The following SNRNP200 variants were observed in gnomAD, a reference collection of about 807,000 sequenced individuals.
SNRNP200 encodes small nuclear ribonucleoprotein U5 subunit 200.
A neutral mutation model predicts 255.2 loss-of-function variants in SNRNP200; 66 were observed. The observed-to-expected ratio is 0.26, with a 90% CI of 0.21 to 0.32. The LOEUF is 0.32. Among genes scored for constraint, SNRNP200 ranks in the 10% least tolerant of loss-of-function variants. The pLI, the probability that SNRNP200 is intolerant of heterozygous loss-of-function variation, is 1.00. For missense variants in SNRNP200, 1,585 were observed against 2,749.8 expected (o/e 0.58, Z 9.47); for synonymous variants, 939 against 1,027.8 (o/e 0.91, Z 1.65).
rs1368647053 is a variant in SNRNP200, at chr2:96,298,312, T to C, written c.1091A>G (p.His364Arg). The C allele has an allele frequency of 6.2e-7, 1 of 1,614,140 alleles. No homozygotes were observed. Among genetic ancestry groups the C allele is most frequent in the Non-Finnish European group, 8.5e-7 (1 of 1,180,052 alleles). ...PELSKFLYQL[H>R]ETEKEDLIRE... ...GATCAGATCCTCCTTCTCGGTTTCA[T>C]GAAGCTGGTAGAGGAACTTGGATAG... The change falls in exon 9 of 45, where the codon CAT becomes CGT. Residue 364 changes from histidine to arginine, a missense_variant. Physicochemically the swap from His to Arg is conservative, Grantham distance 29. Transcript: ENST00000323853.
chr2:96,301,434 A>C, intron 4 of SNRNP200, 90 bp downstream of exon 4: 2 of 1,332,992 alleles, frequency 1.5e-6, no homozygotes, highest in Non-Finnish European at 2.2e-6. Flanking sequence ...CACTGACATT[A>C]AGGTTTTTAA....
intron 15 of SNRNP200, 88 bp from the exon 16 acceptor site, chr2:96,293,183 T>A: frequency 6.3e-7 from 1 of 1,586,688 alleles, no homozygotes; most frequent in Middle Eastern, 1.7e-4. Flanking sequence ...AGAGCAATAT[T>A]CCTCCTTTAT....
intron 3 of SNRNP200, 120 bp from the exon 4 acceptor site, chr2:96,301,836 G>C (rs2063954441): frequency 1.0e-6 from 1 of 972,196 alleles, no homozygotes. Context: ...CCACATACTA[G>C]GCTCTGACCT....
In SNRNP200 at chr2:96,289,731, T is replaced by C. The variant is rs1024685689; in HGVS notation, c.2940+68A>G. 8 of 1,452,250 alleles carry C rather than the reference T, an allele frequency of 5.5e-6. No individual in the cohort carries two copies. The African/African-American group carries it at 1.1e-4, about 20-fold the overall frequency. 90.0% of individuals were successfully genotyped at this position (1,452,250 alleles called of 1,614,324 possible). On this transcript the variant is annotated intron_variant, in intron 21 of 44. Coordinates refer to ENST00000323853, the MANE Select transcript of SNRNP200 (RefSeq NM_014014.5). ...CAGTACTCACATCAAGAGAGCAATC[T>C]GAAAAATTTTTTCCTGGGCCAACAA...
intron 35 of SNRNP200, 50 bp from the exon 36 acceptor site, chr2:96,279,609 C>G (rs114889868): frequency 7.9e-7 from 1 of 1,259,892 alleles, no homozygotes; most frequent in South Asian, 1.2e-5. Context: ...ACACGGAGAC[C>G]ATGCTCAGGA....
rs544354362 is a variant in SNRNP200 at position 96,290,255 on chromosome 2, G to A, written c.2742+71C>T. 1.6e-4 allele frequency: 253 copies of A among 1,542,948 alleles called. No homozygotes were observed. The highest frequency in any genetic ancestry group is 2.2e-4 in the Non-Finnish European group (242 of 1,117,356). The stretch of plus-strand genomic sequence containing the variant: ...ACGCTGCTGGCCCGCAGCACAATAG[G>A]GACCGACCCACTCCTGGTGCCTTGG... On this transcript the variant is annotated intron_variant, in intron 20 of 44. Coordinates refer to ENST00000323853, the MANE Select transcript of SNRNP200 (RefSeq NM_014014.5). This position sits in a 1 kb window ranked among gnomAD's most constrained non-coding sequence, Gnocchi z 4.5.
chr2:96,303,070 TAGCACTTC>T lies in SNRNP200; in HGVS notation c.381+81_381+88del, dbSNP rs1574002473. On this transcript the variant is annotated intron_variant, in intron 3 of 44. Coordinates refer to ENST00000323853, the MANE Select transcript of SNRNP200 (RefSeq NM_014014.5). ...ACTCATCAGCATACAAAAAGATACT[TAGCACTTC>T]GAAGATTCCAAGGATCTTAGAAGCT... 10 of 1,407,436 alleles carry T rather than the reference TAGCACTTC, an allele frequency of 7.1e-6. No homozygotes were observed. In the East Asian group the frequency reaches 2.3e-4, roughly 32 times the overall value. 87.2% of individuals were successfully genotyped at this position (1,407,436 alleles called of 1,614,324 possible).
chr2:96,292,875 C>T (rs2063892281), intron 16 of SNRNP200, 97 bp downstream of exon 16: 1 of 1,426,962 alleles, frequency 7.0e-7, no homozygotes, highest in Non-Finnish European at 9.8e-7. Context: ...TATGTTGTGT[C>T]TTCTCTCTTT....
At chr2:96,285,056 G>T in intron 30 of SNRNP200, 124 bp downstream of exon 30, 2 of 1,216,224 alleles carry the variant, frequency 1.6e-6, no homozygotes, top group African/African-American at 1.5e-5. Flanking sequence ...GGCTGGGGCA[G>T]CTTTTCTTTA....
Position 96,283,320 on chromosome 2 carries a change from G to A in SNRNP200, c.4796C>T (p.Pro1599Leu), listed in dbSNP as rs762545526. 4.3e-5 allele frequency: 69 copies of A among 1,613,998 alleles called. No individual in the cohort carries two copies. The highest frequency in any genetic ancestry group is 5.1e-5 in the Non-Finnish European group (60 of 1,180,036). Residue 1599 changes from proline (P) to leucine (L), a missense_variant, in exon 34 of 45, where the codon CCG (proline) becomes CTG (leucine). Transcript: ENST00000323853. This position sits in a 1 kb window ranked among gnomAD's most constrained non-coding sequence, Gnocchi z 4.7. ...FLHCTEKDLI[P>L]YLEKLSDSTL... ...GCTGTCACTTAGCTTCTCCAGGTAC[G>A]GAATCAGATCCTTCTCGGTGCAGTG...
At chr2:96,300,921 T>C (rs945697838) in intron 5 of SNRNP200, 77 bp downstream of exon 5, 36 of 1,199,110 alleles carry the variant, frequency 3.0e-5, no homozygotes, top group Non-Finnish European at 4.1e-5. Flanking sequence ...ACTAGAGAGC[T>C]TGTTTACACT....
chr2:96,286,971 C>T lies in SNRNP200; in HGVS notation c.3639+35G>A, dbSNP rs1558766658. On this transcript the variant is annotated intron_variant, in intron 27 of 44. Coordinates refer to ENST00000323853, the MANE Select transcript of SNRNP200 (RefSeq NM_014014.5). The surrounding 1 kb of genome is among the most constrained non-coding windows in gnomAD (Gnocchi z 4.8). ...CGGCCCAGCAACGTAGACTGAGCAC[C>T]TCCAATCCAGCACCTCTGCCCAGCA... 1.2e-6 allele frequency: 2 copies of T among 1,614,120 alleles called. No individual in the cohort carries two copies. Among genetic ancestry groups the T allele is most frequent in the Non-Finnish European group, 1.7e-6 (2 of 1,179,960 alleles).
intron 36 of SNRNP200, 78 bp from the exon 37 acceptor site, chr2:96,279,076 G>C: frequency 8.4e-7 from 1 of 1,189,072 alleles, no homozygotes; most frequent in Non-Finnish European, 1.3e-6. Context: ...CAAATCAACA[G>C]GGCATGGTCC....
In SNRNP200 at chr2:96,291,558, A is replaced by G; in HGVS notation, c.2311-56T>C. ...GCCTTCCTGTAGGACTCATCCAAGG[A>G]CTAAGGAAATCTCCTCCCATGAGAC... On this transcript the variant is annotated intron_variant, in intron 17 of 44. Transcript: ENST00000323853. This position sits in a 1 kb window ranked among gnomAD's most constrained non-coding sequence, Gnocchi z 4.2. 7.6e-7 allele frequency: 1 copy of G among 1,313,412 alleles called. No homozygotes were observed. Among genetic ancestry groups the G allele is most frequent in the Non-Finnish European group, 1.1e-6 (1 of 906,938 alleles). 81.4% of individuals were successfully genotyped at this position (1,313,412 alleles called of 1,614,324 possible).
intron 14 of SNRNP200, 85 bp downstream of exon 14, chr2:96,295,403 C>G (rs761599464): frequency 1.3e-6 from 2 of 1,550,700 alleles, no homozygotes; most frequent in Non-Finnish European, 1.8e-6. Context: ...ACAGAAAAGG[C>G]AGCAAAGAAA....
At chr2:96,302,668 A>C (rs929353488) in intron 3 of SNRNP200, among the ~76,000 whole-genome samples, 2 of 152,238 alleles carry the variant, frequency 1.3e-5, no homozygotes, top group African/African-American at 4.8e-5. Flanking sequence ...GCCAGTCACA[A>C]GCACAGGTTG....
Position 96,277,724 on chromosome 2 carries a change from G to A in SNRNP200, c.5755-9C>T. On this transcript the variant is annotated splice_polypyrimidine_tract_variant and intron_variant, in intron 40 of 44. Transcript: ENST00000323853. The surrounding 1 kb of genome is among the most constrained non-coding windows in gnomAD (Gnocchi z 4.4). ...TGGATGAGCCGGATTGCCTGAACAG[G>A]AAAAGGAGTATAAAAGTGGGCGGAG... 1 of 1,614,118 alleles carries A rather than the reference G, an allele frequency of 6.2e-7. No homozygotes were observed. The highest frequency in any genetic ancestry group is 8.5e-7 in the Non-Finnish European group (1 of 1,180,042).
At position 96,281,955 on chromosome 2, in the gene SNRNP200, C is replaced by A. The variant is rs1573990628; in HGVS notation, c.4916-33G>T. ...GTAGAGGGGAGAGGAAGGCTGAGGG[C>A]AGGGGTCTCCGGGTGAAGTAGGCTC... On this transcript the variant is annotated intron_variant, in intron 34 of 44. Transcript: ENST00000323853. 3 of 1,553,714 alleles carry A rather than the reference C, an allele frequency of 1.9e-6. No homozygotes were observed. The East Asian group carries it at 6.7e-5, about 35-fold the overall frequency.
chr2:96,277,288 A>G lies in SNRNP200; in HGVS notation c.5932-47T>C, dbSNP rs768099324. On this transcript the variant is annotated intron_variant, in intron 41 of 44. Transcript: ENST00000323853. This position sits in a 1 kb window ranked among gnomAD's most constrained non-coding sequence, Gnocchi z 4.4. ...CAGGAAAGAGAGAACACGGGCCAAC[A>G]GCAAATGACACAGGCAGCAAAGAGC... 1.2e-6 allele frequency: 2 copies of G among 1,600,022 alleles called. No individual in the cohort carries two copies. Among genetic ancestry groups the G allele is most frequent in the Admixed American group, 1.7e-5 (1 of 60,010 alleles).
Sources: allele counts gnomAD v4.1 joint callset (sites outside exome capture counted in the v4.1 genomes callset), GRCh38; gene constraint gnomAD v4.1.1; non-coding constraint Gnocchi (gnomAD v3.1); transcripts MANE v1.5; gene names NCBI Gene and HGNC (gene_info 2026-07-23, HGNC 2026-07-21).